The following ZCCHC24 variants were observed in gnomAD, a reference collection of about 807,000 sequenced individuals.
The protein encoded by ZCCHC24 is zinc finger CCHC-type containing 24.
In ZCCHC24, 10 loss-of-function variants were observed where a neutral mutation model predicts 26.2. That is an observed-to-expected ratio of 0.38 (90% CI 0.24 to 0.65). The LOEUF (loss-of-function observed/expected upper bound fraction) is 0.65. Ranked by LOEUF, ZCCHC24 falls within the 30% of genes least tolerant of loss-of-function variation. The pLI is 0.54. For synonymous variants in ZCCHC24, 144 were observed against 147.1 expected, an observed-to-expected ratio of 0.98 and a Z score of 0.15; for missense variants, 243 against 329.1, an observed-to-expected ratio of 0.74 and a Z score of 2.03.
chr10:79,401,728 A>G (rs2132184898), intron 2 of ZCCHC24, among the ~76,000 whole-genome samples: 1 of 152,328 alleles, frequency 6.6e-6, no homozygotes, highest in East Asian at 1.9e-4. Context: ...ATAACTCAGC[A>G]TGTGCCTGGC....
intron 2 of ZCCHC24, among the ~76,000 whole-genome samples, chr10:79,410,741 TG>T: frequency 2.5e-5 from 1 of 39,230 alleles, no homozygotes; most frequent in Admixed American, 3.6e-4. Flanking sequence ...GGGTTGGACA[TG>T]GGGGGACCAG....
At chr10:79,386,523 A>G in intron 3 of ZCCHC24, 65 bp from the exon 4 acceptor site, 1 of 1,270,610 alleles carries the variant, frequency 7.9e-7, no homozygotes. Context: ...ACACAGAGAC[A>G]GACAGGGAGA....
intron 2 of ZCCHC24, among the ~76,000 whole-genome samples, chr10:79,398,574 TG>T (rs11329935): frequency 0.32 from 49,385 of 151,982 alleles, 9,519 homozygotes; most frequent in African/African-American, 0.52. Flanking sequence ...GAGGGAAACC[TG>T]GGAGGGATAT....
chr10:79,390,061 A>G (rs116771007), intron 3 of ZCCHC24, among the ~76,000 whole-genome samples: 5,199 of 152,152 alleles, frequency 0.034, 313 homozygotes, highest in African/African-American at 0.12. Context: ...TATAGAGACG[A>G]GGTCTCACTA....
intron 2 of ZCCHC24, among the ~76,000 whole-genome samples, chr10:79,406,050 G>C (rs147869990): frequency 4.6e-5 from 7 of 152,360 alleles, no homozygotes; most frequent in South Asian, 2.1e-4. Flanking sequence ...GGAGCTCACA[G>C]CACTTAGGAG....
At chr10:79,409,690 G>A (rs981136483) in intron 2 of ZCCHC24, among the ~76,000 whole-genome samples, 20 of 152,218 alleles carry the variant, frequency 1.3e-4, no homozygotes, top group Non-Finnish European at 2.6e-4. Context: ...CATGCTGGTC[G>A]CTGTTCCTGG....
intron 1 of ZCCHC24, among the ~76,000 whole-genome samples, chr10:79,442,843 C>T (rs1857308125): frequency 6.6e-6 from 1 of 152,160 alleles, no homozygotes; most frequent in Non-Finnish European, 1.5e-5. Flanking sequence ...CTCAGGAACA[C>T]AGCTGAGGCT....
At chr10:79,410,233 C>A (rs1856772071) in intron 2 of ZCCHC24, among the ~76,000 whole-genome samples, 1 of 152,226 alleles carries the variant, frequency 6.6e-6, no homozygotes. Flanking sequence ...TTGAATATGA[C>A]CTGCCACCAT....
intron 2 of ZCCHC24, among the ~76,000 whole-genome samples, chr10:79,430,037 C>T (rs1227855537): frequency 1.3e-5 from 2 of 152,146 alleles, no homozygotes; most frequent in Admixed American, 1.3e-4. Flanking sequence ...TGCCCAAATA[C>T]CTAGTGCCTT....
In ZCCHC24 at chr10:79,394,593, C is replaced by A. The variant is rs187309322; in HGVS notation, c.448-153G>T. 19 of 985,416 alleles carry A rather than the reference C, an allele frequency of 1.9e-5. No individual in the cohort carries two copies. The Admixed American group carries it at 3.1e-4, about 16-fold the overall frequency. 61.0% of individuals were successfully genotyped at this position (985,416 alleles called of 1,614,324 possible). On this transcript the variant is annotated intron_variant, in intron 2 of 3. Transcript: ENST00000372336. ...AGTCTAGATAATACCAGGGTCATCC[C>A]CAGAGCACAGACGGGAATCCGAAGG...
In ZCCHC24 at chr10:79,432,815, C is replaced by T. The variant is rs138165333; in HGVS notation, c.247-57G>A. On this transcript the variant is annotated intron_variant, in intron 1 of 3. Transcript: ENST00000372336. The stretch of plus-strand genomic sequence containing the variant: ...CTCTGCCTTGGGAGAAGTTCCATAA[C>T]CCCCCACCCAAACACACGCATGGAT... The T allele has an allele frequency of 1.7e-4, 257 of 1,553,844 alleles. 1 individual carries two copies. The African/African-American group carries it at 3.1e-3, about 19-fold the overall frequency.
chr10:79,417,210 G>A (rs11002968), intron 2 of ZCCHC24, among the ~76,000 whole-genome samples: 14,364 of 137,326 alleles, frequency 0.1, 3,403 homozygotes, highest in African/African-American at 0.14. Flanking sequence ...GGAGGGAGGG[G>A]CACAAGGCTC....
chr10:79,422,139 C>A (rs903365003), intron 2 of ZCCHC24, among the ~76,000 whole-genome samples: 11 of 151,994 alleles, frequency 7.2e-5, no homozygotes, highest in African/African-American at 2.7e-4. Context: ...CCCCAGCTGG[C>A]CCACCATACC....
intron 1 of ZCCHC24, among the ~76,000 whole-genome samples, chr10:79,441,163 C>T (rs1288928845): frequency 2.0e-5 from 3 of 151,936 alleles, no homozygotes; most frequent in Non-Finnish European, 2.9e-5. Context: ...AGCCCACTCT[C>T]GAACATAGGC....
rs112057260 is a variant in ZCCHC24 at position 79,410,510 on chromosome 10, G to A, written c.448-16070C>T. On this transcript the variant is annotated intron_variant, in intron 2 of 3. Transcript: ENST00000372336. ...GCCAGCATGGCTGGGGAGGAGTGAC[G>A]TCACAGTGGAAAGGGCCCTGTGGGG... Among the ~76,000 whole-genome samples the A allele has an allele frequency of 6.5e-3, 991 of 152,306 alleles. 9 individuals are homozygous for A. Among genetic ancestry groups the A allele is most frequent in the Non-Finnish European group, 0.011 (732 of 68,034 alleles).
At chr10:79,436,676 T>C (rs561396572) in intron 1 of ZCCHC24, among the ~76,000 whole-genome samples, 37 of 152,222 alleles carry the variant, frequency 2.4e-4, no homozygotes, top group Non-Finnish European at 4.7e-4. Context: ...CTGGGTGCGA[T>C]GGTCACCAGC....
At chr10:79,439,186 G>A (rs1474555365) in intron 1 of ZCCHC24, among the ~76,000 whole-genome samples, 1 of 152,180 alleles carries the variant, frequency 6.6e-6, no homozygotes, top group African/African-American at 2.4e-5. Flanking sequence ...TGTGCTGGCA[G>A]CAGAAACTCT....
chr10:79,394,216 G>A (rs1856514058), intron 3 of ZCCHC24, 60 bp downstream of exon 3: 2 of 1,573,908 alleles, frequency 1.3e-6, no homozygotes, highest in Non-Finnish European at 1.7e-6. Context: ...CTGAGGTCCG[G>A]TAAGGGAAAA....
At chr10:79,405,972 C>T (rs1268755279) in intron 2 of ZCCHC24, among the ~76,000 whole-genome samples, 4 of 152,236 alleles carry the variant, frequency 2.6e-5, no homozygotes, top group Admixed American at 2.6e-4. Context: ...ATCACCTCCT[C>T]TCTCTGGGAT....
Sources: gnomAD v4.1 joint callset for allele counts (sites outside exome capture counted in the v4.1 genomes callset) on GRCh38, gnomAD v4.1.1 for gene constraint, MANE v1.5 for transcripts, NCBI Gene and HGNC (gene_info 2026-07-23, HGNC 2026-07-21) for gene names.